Variants in UBE2O observed in about 807,000 individuals in gnomAD.
The protein encoded by UBE2O is (E3-independent) E2 ubiquitin-conjugating enzyme.
UBE2O carries 15 observed loss-of-function variants against 125.8 expected under a neutral mutation model. The observed-to-expected ratio is 0.12, with a 90% confidence interval of 0.08 to 0.18. The LOEUF is 0.18. Ranked by LOEUF, UBE2O falls within the 10% of genes least tolerant of loss-of-function variation. UBE2O has a pLI of 1.00. For missense variants in UBE2O, 1,280 were observed against 1,723.6 expected, an observed-to-expected ratio of 0.74 and a Z score of 4.56; for synonymous variants, 708 against 703.2, an observed-to-expected ratio of 1.01 and a Z score of -0.11.
At chr17:76,430,595 A>G in intron 1 of UBE2O, 1 of 318,580 alleles carries the variant, frequency 3.1e-6, no homozygotes, top group Non-Finnish European at 6.5e-6. Flanking sequence ...ATTGACCATG[A>G]GACTGATCAA....
chr17:76,418,330 G>A (rs965962591), intron 1 of UBE2O, among the ~76,000 whole-genome samples: 2 of 152,214 alleles, frequency 1.3e-5, no homozygotes, highest in African/African-American at 2.4e-5. Context: ...ATTCCTGAAA[G>A]TAACAGACTA....
chr17:76,392,152 G>T, intron 15 of UBE2O, 39 bp from the exon 16 acceptor site: 1 of 1,275,166 alleles, frequency 7.8e-7, no homozygotes. Flanking sequence ...AGGTTGGCAG[G>T]GGTGGAAGGG....
chr17:76,451,049 C>T (rs1050754328), intron 1 of UBE2O, among the ~76,000 whole-genome samples: 3 of 152,214 alleles, frequency 2.0e-5, no homozygotes, highest in African/African-American at 7.2e-5. Flanking sequence ...ACGGGAACAA[C>T]AACTGATAAA....
intron 1 of UBE2O, among the ~76,000 whole-genome samples, chr17:76,439,090 T>C (rs373516733): frequency 1.3e-5 from 2 of 152,218 alleles, no homozygotes; most frequent in East Asian, 1.9e-4. Context: ...ACAGCAAGCA[T>C]GACACCAGTG....
intron 1 of UBE2O, among the ~76,000 whole-genome samples, chr17:76,412,688 G>C (rs2072536568): frequency 6.6e-6 from 1 of 152,166 alleles, no homozygotes; most frequent in Non-Finnish European, 1.5e-5. Flanking sequence ...GGTCACGTGT[G>C]TTAGTGCATA....
Position 76,398,149 on chromosome 17 carries a change from G to T in UBE2O, c.2025+106C>A, listed in dbSNP as rs773021511. On this transcript the variant is annotated intron_variant, in intron 12 of 17. Coordinates refer to ENST00000319380, the MANE Select transcript of UBE2O (RefSeq NM_022066.4). This position sits in a 1 kb window ranked among gnomAD's most constrained non-coding sequence, Gnocchi z 5.4. ...CCTTCTGAGGACACTGAGCCCAGAGGACTTTCAGGTCTTGTCTCCTAGAGC... is the reference window on the plus strand; with the variant it reads ...CCTTCTGAGGACACTGAGCCCAGAGTACTTTCAGGTCTTGTCTCCTAGAGC... 2.7e-6 allele frequency: 4 copies of T among 1,489,010 alleles called. No individual in the cohort carries two copies. In the African/African-American group the frequency reaches 5.5e-5, roughly 21 times the overall value. 92.2% of individuals were successfully genotyped at this position (1,489,010 alleles called of 1,614,324 possible). A position where few individuals can be genotyped will look rare whatever the true frequency, so the allele number is the denominator to read the frequency against.
At position 76,399,658 on chromosome 17, in the gene UBE2O, C is replaced by T. The variant is rs369707672; in HGVS notation, c.1419G>A (p.Leu473=). 15 of 1,614,202 alleles carry T rather than the reference C, an allele frequency of 9.3e-6. No individual in the cohort carries two copies. The highest frequency in any genetic ancestry group is 1.3e-5 in the Non-Finnish European group (15 of 1,180,048). Residue 473 remains leucine (L), a synonymous_variant, in exon 9 of 18, where the codon CTG becomes CTA. Transcript: ENST00000319380. The surrounding 1 kb of genome is among the most constrained non-coding windows in gnomAD (Gnocchi z 6.9). ...CATCTGCGTCCTGCTCTGCCGAGTGCAGCCTGTCATCTCTGCCTTCTTTTA... is the reference window on the plus strand; with the variant it reads ...CATCTGCGTCCTGCTCTGCCGAGTGTAGCCTGTCATCTCTGCCTTCTTTTA... ...FLLKEGRDDR[L]HSAEQDADDE... is the part of the protein sequence containing the mutation.
At chr17:76,425,225 C>CAAAAAA (rs58377572) in intron 1 of UBE2O, among the ~76,000 whole-genome samples, 138 of 94,722 alleles carry the variant, frequency 1.5e-3, no homozygotes, top group African/African-American at 3.5e-3. Flanking sequence ...GTCCTTTCGA[C>CAAAAAA]AAAAAAAAAA....
intron 1 of UBE2O, among the ~76,000 whole-genome samples, chr17:76,411,685 A>AT (rs1196303752): frequency 2.0e-5 from 3 of 151,962 alleles, no homozygotes; most frequent in South Asian, 2.1e-4. Flanking sequence ...TCAATACCAG[A>AT]TTTTTTCTTT....
At position 76,391,479 on chromosome 17, in the gene UBE2O, G is replaced by A; in HGVS notation, c.3343C>T (p.Leu1115=). 1 of 1,613,952 alleles carries A rather than the reference G, an allele frequency of 6.2e-7. No homozygotes were observed. The highest frequency in any genetic ancestry group is 1.6e-4 in the Middle Eastern group (1 of 6,062). Residue 1115 remains leucine (L), a synonymous_variant, in exon 18 of 18, where the codon CTG becomes TTG. Transcript: ENST00000319380. The surrounding 1 kb of genome is among the most constrained non-coding windows in gnomAD (Gnocchi z 8.4). ...LIRVVQSMTQ[L]VRRPPEVFEQ... is the part of the protein sequence containing the mutation. ...AAGACCTCGGGGGGCCGCCGCACCA[G>A]CTGGGTCATGGACTGCACCACGCGG...
At chr17:76,439,138 G>A (rs529760579) in intron 1 of UBE2O, among the ~76,000 whole-genome samples, 38 of 152,334 alleles carry the variant, frequency 2.5e-4, no homozygotes, top group African/African-American at 7.2e-4. Flanking sequence ...GTTTGGAGGC[G>A]CTTGCCTGGC....
chr17:76,395,953 C>A lies in UBE2O; in HGVS notation c.2810-92G>T, dbSNP rs1183246928. Reference sequence around the variant, plus strand: ...CTGGACAGGTGAGCACACCCACAGACTTCCCACTCGCCGCTGCTGGCCTCA... The same window carrying A: ...CTGGACAGGTGAGCACACCCACAGAATTCCCACTCGCCGCTGCTGGCCTCA... On this transcript the variant is annotated intron_variant, in intron 14 of 17. Transcript: ENST00000319380. The surrounding 1 kb of genome is among the most constrained non-coding windows in gnomAD (Gnocchi z 5.0). The A allele has an allele frequency of 6.4e-7, 1 of 1,574,136 alleles. No individual in the cohort carries two copies. The highest frequency in any genetic ancestry group is 1.4e-5 in the African/African-American group (1 of 73,550).
Position 76,405,629 on chromosome 17 carries a change from G to A in UBE2O, c.418-57C>T. The A allele has an allele frequency of 6.9e-7, 1 of 1,449,496 alleles. No individual in the cohort carries two copies. The highest frequency in any genetic ancestry group is 9.5e-7 in the Non-Finnish European group (1 of 1,052,968). 89.8% of individuals were successfully genotyped at this position (1,449,496 alleles called of 1,614,324 possible). ...GACTCTGAAGCCACCACAGAATACAGTTTTCTTCCAGCTTCTGAAGGAAAG... is the reference window on the plus strand; with the variant it reads ...GACTCTGAAGCCACCACAGAATACAATTTTCTTCCAGCTTCTGAAGGAAAG... On this transcript the variant is annotated intron_variant, in intron 1 of 17. Transcript: ENST00000319380. The surrounding 1 kb of genome is among the most constrained non-coding windows in gnomAD (Gnocchi z 6.1).
In UBE2O at chr17:76,399,836, T is replaced by A. The variant is rs1280386996; in HGVS notation, c.1241A>T (p.Asp414Val). The change falls in exon 9 of 18, where the codon GAC (aspartate) becomes GTC (valine). Residue 414 changes from aspartate to valine, a missense_variant. By Grantham distance (152) the Asp-to-Val change is radical. Around this residue, in one of 10 missense-constraint regions of UBE2O, gnomAD observed 141 missense variants for 141.3 expected, o/e 1.00. Coordinates refer to ENST00000319380, the MANE Select transcript of UBE2O (RefSeq NM_022066.4). This position sits in a 1 kb window ranked among gnomAD's most constrained non-coding sequence, Gnocchi z 6.9. ...TTTGGATTCCCCCTTCTTGTCTGGG[T>A]CTTCCATGGAATGGTCCCGGGAACA... ...TQCSRDHSME[D>V]PDKKGESKTK... 3.7e-6 allele frequency: 6 copies of A among 1,614,054 alleles called. No homozygotes were observed. The highest frequency in any genetic ancestry group is 1.3e-5 in the African/African-American group (1 of 74,926).
chr17:76,415,969 G>A (rs550047322), intron 1 of UBE2O, among the ~76,000 whole-genome samples: 8 of 151,434 alleles, frequency 5.3e-5, no homozygotes, highest in African/African-American at 9.7e-5. Context: ...ACGTATATAC[G>A]TATGCGTATA....
In UBE2O at chr17:76,399,351, A is replaced by T; in HGVS notation, c.1628+98T>A. ...CCCGGAGCCACTACAAGGCATGCAG[A>T]GGTGTGTGTGCGAGCGCAGGCACGC... On this transcript the variant is annotated intron_variant, in intron 9 of 17. Transcript: ENST00000319380. The surrounding 1 kb of genome is among the most constrained non-coding windows in gnomAD (Gnocchi z 6.9). The T allele has an allele frequency of 1.7e-6, 2 of 1,198,372 alleles. No homozygotes were observed. The highest frequency in any genetic ancestry group is 1.2e-6 in the Non-Finnish European group (1 of 832,154). The allele number at this position is 1,198,372 out of a possible 1,614,324, so 74.2% of individuals were successfully genotyped here. A position where few individuals can be genotyped will look rare whatever the true frequency, so the allele number is the denominator to read the frequency against.
intron 1 of UBE2O, among the ~76,000 whole-genome samples, chr17:76,444,375 G>C (rs372959759): frequency 1.3e-5 from 2 of 152,162 alleles, no homozygotes; most frequent in African/African-American, 4.8e-5. Flanking sequence ...ACCATGGTGA[G>C]ACCCTGTTTC....
intron 1 of UBE2O, among the ~76,000 whole-genome samples, chr17:76,423,693 A>AAAAT (rs74941845): frequency 0.38 from 51,245 of 135,626 alleles, 10,044 homozygotes; most frequent in Admixed American, 0.46. Flanking sequence ...ACTCCATCTC[A>AAAAT]AAATAAATAA....
At chr17:76,425,298 G>A (rs1464167088) in intron 1 of UBE2O, among the ~76,000 whole-genome samples, 2 of 147,528 alleles carry the variant, frequency 1.4e-5, no homozygotes. Flanking sequence ...GGACCTACTT[G>A]GCTCATATTG....
Sources: allele counts gnomAD v4.1 joint callset (sites outside exome capture counted in the v4.1 genomes callset), GRCh38; gene constraint gnomAD v4.1.1; regional missense constraint gnomAD v4.1.1; non-coding constraint Gnocchi (gnomAD v3.1); transcripts MANE v1.5; gene names NCBI Gene and HGNC (gene_info 2026-07-23, HGNC 2026-07-21).